Variants in FYTTD1 observed in about 807,000 individuals in gnomAD.
FYTTD1 encodes the protein forty-two-three domain containing 1.
A neutral mutation model predicts 40.9 loss-of-function variants in FYTTD1; 22 were observed. That is an observed-to-expected ratio of 0.54 (90% CI 0.38 to 0.77). The LOEUF (loss-of-function observed/expected upper bound fraction) is 0.77. FYTTD1 is among the 30% of genes least tolerant of loss of function. The probability of loss-of-function intolerance (pLI) is 0.00; values close to 1 mark genes in which losing one functional copy is unlikely to be tolerated. For synonymous variants in FYTTD1, 140 were observed against 137.9 expected, an observed-to-expected ratio of 1.01 and a Z score of -0.10; for missense variants, 351 against 392.2, an observed-to-expected ratio of 0.90 and a Z score of 0.89.
chr3:197,763,950 T>C (rs1729465011), intron 2 of FYTTD1, among the ~76,000 whole-genome samples: 1 of 152,232 alleles, frequency 6.6e-6, no homozygotes, highest in African/African-American at 2.4e-5. Flanking sequence ...AACTAGACGC[T>C]CTGGCGGTAC....
intron 6 of FYTTD1, among the ~76,000 whole-genome samples, chr3:197,775,619 G>A (rs1405424635): frequency 3.9e-5 from 6 of 152,322 alleles, no homozygotes; most frequent in East Asian, 1.9e-4. Flanking sequence ...ATACATGGAC[G>A]TAGAACCTGT....
At chr3:197,751,100 C>T (rs201402303) in intron 1 of FYTTD1, among the ~76,000 whole-genome samples, 122 of 152,286 alleles carry the variant, frequency 8.0e-4, no homozygotes, top group Middle Eastern at 6.8e-3. Flanking sequence ...TACCCTTTCC[C>T]AGGACGGTCT....
chr3:197,781,422 A>G (rs983488438), intron 8 of FYTTD1, among the ~76,000 whole-genome samples: 1 of 152,194 alleles, frequency 6.6e-6, no homozygotes, highest in African/African-American at 2.4e-5. Context: ...TAATAAAAAA[A>G]AAAACAGATT....
intron 2 of FYTTD1, among the ~76,000 whole-genome samples, chr3:197,762,624 T>C (rs968851766): frequency 6.6e-6 from 1 of 151,630 alleles, no homozygotes; most frequent in African/African-American, 2.4e-5. Flanking sequence ...GGCTCATGCC[T>C]GTAATCCCAG....
intron 2 of FYTTD1, among the ~76,000 whole-genome samples, chr3:197,767,507 C>G (rs990540640): frequency 6.8e-6 from 1 of 146,218 alleles, no homozygotes; most frequent in Non-Finnish European, 1.5e-5. Context: ...ATTTTTTAAT[C>G]TATTTATTTT....
At chr3:197,752,905 A>G (rs959081304) in intron 1 of FYTTD1, among the ~76,000 whole-genome samples, 1 of 152,142 alleles carries the variant, frequency 6.6e-6, no homozygotes, top group Non-Finnish European at 1.5e-5. Context: ...TAGAGCCTCA[A>G]GTTGTTTTAC....
chr3:197,778,384 A>T lies in FYTTD1; in HGVS notation c.778A>T (p.Thr260Ser), dbSNP rs1403758908. ...LTRTAVPSFL[T>S]KREQSDVKKV... Reference sequence around the variant, plus strand: ...TCGTACTGCTGTACCTTCATTTTTAACAAAGCGGGAGCAAAGTGACGTCAA... The same window carrying T: ...TCGTACTGCTGTACCTTCATTTTTATCAAAGCGGGAGCAAAGTGACGTCAA... The change falls in exon 8 of 9, where the codon ACA becomes TCA. Residue 260 changes from threonine (T) to serine (S), a missense_variant. Transcript: ENST00000241502. 6.2e-7 allele frequency: 1 copy of T among 1,612,344 alleles called. No homozygotes were observed. The highest frequency in any genetic ancestry group is 1.1e-5 in the South Asian group (1 of 90,822).
chr3:197,760,819 C>T (rs1195217032), intron 2 of FYTTD1, among the ~76,000 whole-genome samples: 3 of 130,276 alleles, frequency 2.3e-5, no homozygotes, highest in Non-Finnish European at 3.3e-5. Context: ...AGATTTGTTC[C>T]TCAGTGGCAG....
intron 6 of FYTTD1, among the ~76,000 whole-genome samples, chr3:197,774,432 A>G (rs923244654): frequency 2.0e-5 from 3 of 152,224 alleles, no homozygotes; most frequent in Non-Finnish European, 4.4e-5. Flanking sequence ...GTGAAGTGCC[A>G]TAATGTCACC....
chr3:197,770,800 C>T (rs995184356), intron 4 of FYTTD1, among the ~76,000 whole-genome samples: 1 of 152,192 alleles, frequency 6.6e-6, no homozygotes, highest in East Asian at 1.9e-4. Flanking sequence ...CCTCCCACCT[C>T]AGCCTCCTAA....
At chr3:197,770,645 T>G (rs891127567) in intron 4 of FYTTD1, among the ~76,000 whole-genome samples, 1 of 152,104 alleles carries the variant, frequency 6.6e-6, no homozygotes, top group African/African-American at 2.4e-5. Flanking sequence ...TGCCCTGGGC[T>G]CAAGCGATCC....
intron 6 of FYTTD1, among the ~76,000 whole-genome samples, chr3:197,775,761 C>T (rs900165943): frequency 6.6e-6 from 1 of 152,156 alleles, no homozygotes; most frequent in African/African-American, 2.4e-5. Flanking sequence ...GCACAGGGGT[C>T]ATGACATTAG....
At chr3:197,758,223 T>G (rs1161101894) in intron 2 of FYTTD1, among the ~76,000 whole-genome samples, 1 of 151,452 alleles carries the variant, frequency 6.6e-6, no homozygotes, top group Non-Finnish European at 1.5e-5. Context: ...GCCTAAATAT[T>G]TCTTATAAAT....
chr3:197,776,557 T>G (rs1487007546), intron 6 of FYTTD1, among the ~76,000 whole-genome samples: 1 of 151,532 alleles, frequency 6.6e-6, no homozygotes, highest in African/African-American at 2.4e-5. Flanking sequence ...AAGCATCTTG[T>G]TTAGTGAATT....
At chr3:197,780,736 G>C (rs991993205) in intron 8 of FYTTD1, among the ~76,000 whole-genome samples, 1 of 151,734 alleles carries the variant, frequency 6.6e-6, no homozygotes, top group African/African-American at 2.4e-5. Context: ...GTAGAGACAG[G>C]GTTTCACCAT....
At chr3:197,759,014 T>G (rs181149313) in intron 2 of FYTTD1, among the ~76,000 whole-genome samples, 389 of 152,344 alleles carry the variant, frequency 2.6e-3, no homozygotes, top group Middle Eastern at 0.021. Context: ...CGTATAGAGT[T>G]GTTCTTCAGT....
chr3:197,785,544 T>C lies in FYTTD1; in HGVS notation c.*3635T>C, dbSNP rs895930098. ...ATCATTATTAATATTTTACTGTAAA[T>C]AGCTTTGTAATTCACACAAAGTATA... On this transcript the variant is annotated 3_prime_UTR_variant, in exon 9 of 9. Coordinates refer to ENST00000241502, the MANE Select transcript of FYTTD1 (RefSeq NM_032288.7). 8.5e-5 allele frequency: 13 copies of C among 152,178 alleles called. No homozygotes were observed. The highest frequency in any genetic ancestry group is 2.6e-4 in the Admixed American group (4 of 15,272). The allele number at this position is 152,178 out of a possible 1,614,324, so 9.4% of individuals were successfully genotyped here. A position where few individuals can be genotyped will look rare whatever the true frequency, so the allele number is the denominator to read the frequency against.
chr3:197,757,452 A>T (rs746183006), intron 2 of FYTTD1, among the ~76,000 whole-genome samples: 3 of 152,264 alleles, frequency 2.0e-5, no homozygotes, highest in Non-Finnish European at 4.4e-5. Flanking sequence ...GAACATAATT[A>T]GTTCTGTGTT....
chr3:197,780,756 G>T (rs1442225187), intron 8 of FYTTD1, among the ~76,000 whole-genome samples: 1 of 151,968 alleles, frequency 6.6e-6, no homozygotes, highest in East Asian at 1.9e-4. Context: ...TATTGGCCAG[G>T]CTGGTCTCAA....
Sources: allele counts gnomAD v4.1 joint callset (sites outside exome capture counted in the v4.1 genomes callset), GRCh38; gene constraint gnomAD v4.1.1; transcripts MANE v1.5; gene names NCBI Gene and HGNC (gene_info 2026-07-23, HGNC 2026-07-21).